Variants in UBL3 observed in about 807,000 individuals in gnomAD.
UBL3 encodes the protein ubiquitin like 3.
UBL3 carries 6 observed loss-of-function variants against 18.4 expected under a neutral mutation model. The ratio of observed to expected loss-of-function variants is 0.33; its 90% confidence interval spans 0.18 to 0.64. The LOEUF (loss-of-function observed/expected upper bound fraction) is 0.64, where lower values mean the gene tolerates loss of function less well. UBL3 is among the 30% of genes least tolerant of loss of function. The probability of loss-of-function intolerance (pLI) is 0.76; values close to 1 mark genes in which losing one functional copy is unlikely to be tolerated. For missense variants in UBL3, 109 were observed against 142.9 expected, an observed-to-expected ratio of 0.76 and a Z score of 1.21; for synonymous variants, 49 against 46.6, an observed-to-expected ratio of 1.05 and a Z score of -0.21.
chr13:29,767,833 A>G (rs1876729935), intron 3 of UBL3, 138 bp from the exon 4 acceptor site: 2 of 596,824 alleles, frequency 3.4e-6, no homozygotes, highest in Non-Finnish European at 5.5e-6. Flanking sequence ...GAGTACCTTC[A>G]CAAAATTAGG....
At chr13:29,792,907 T>A (rs1375599136) in intron 1 of UBL3, among the ~76,000 whole-genome samples, 1 of 152,214 alleles carries the variant, frequency 6.6e-6, no homozygotes, top group Non-Finnish European at 1.5e-5. Flanking sequence ...AAATTCTGCA[T>A]CTGTGCATAC....
intron 1 of UBL3, among the ~76,000 whole-genome samples, chr13:29,789,796 T>A (rs1035411752): frequency 3.3e-5 from 5 of 152,262 alleles, no homozygotes; most frequent in East Asian, 3.8e-4. Context: ...CATTGTTACC[T>A]TTAAAAATGT....
At chr13:29,820,849 G>T (rs1878417156) in intron 1 of UBL3, among the ~76,000 whole-genome samples, 1 of 152,084 alleles carries the variant, frequency 6.6e-6, no homozygotes, top group African/African-American at 2.4e-5. Context: ...TATATAAAAT[G>T]AACTGCCTTA....
chr13:29,829,665 G>T (rs748421704), intron 1 of UBL3, among the ~76,000 whole-genome samples: 1 of 152,026 alleles, frequency 6.6e-6, no homozygotes, highest in Non-Finnish European at 1.5e-5. Flanking sequence ...GCCCTGCTTC[G>T]GCTCACGCTC....
intron 1 of UBL3, among the ~76,000 whole-genome samples, chr13:29,778,049 G>A (rs1391119518): frequency 6.6e-6 from 1 of 152,182 alleles, no homozygotes; most frequent in Non-Finnish European, 1.5e-5. Flanking sequence ...TTACAGGTGT[G>A]AGCCACTGTG....
intron 1 of UBL3, among the ~76,000 whole-genome samples, chr13:29,845,456 G>A (rs571720754): frequency 6.6e-6 from 1 of 152,092 alleles, no homozygotes; most frequent in East Asian, 1.9e-4. Context: ...TAACTAAAGA[G>A]GAAAAAGTCC....
chr13:29,825,987 C>T (rs932530911), intron 1 of UBL3, among the ~76,000 whole-genome samples: 2 of 152,238 alleles, frequency 1.3e-5, no homozygotes, highest in East Asian at 3.9e-4. Context: ...TGTTTATATG[C>T]TGGATTATGT....
At chr13:29,821,700 T>C (rs371447598) in intron 1 of UBL3, among the ~76,000 whole-genome samples, 1 of 152,196 alleles carries the variant, frequency 6.6e-6, no homozygotes, top group East Asian at 1.9e-4. Context: ...ATAAAAATCT[T>C]TTATTTGCTT....
At chr13:29,798,010 T>C (rs77070838) in intron 1 of UBL3, among the ~76,000 whole-genome samples, 1 of 150,888 alleles carries the variant, frequency 6.6e-6, no homozygotes, top group African/African-American at 2.4e-5. Flanking sequence ...TTTTTTTTTT[T>C]GATGGCATAT....
At chr13:29,777,852 G>A (rs922147488) in intron 1 of UBL3, among the ~76,000 whole-genome samples, 8 of 151,868 alleles carry the variant, frequency 5.3e-5, no homozygotes, top group African/African-American at 1.4e-4. Context: ...CTGCAACCTC[G>A]GCCTCCCAAG....
Position 29,777,201 on chromosome 13 carries a change from A to G in UBL3, c.90T>C (p.Asp30=), listed in dbSNP as rs1323492431. 1 of 1,609,838 alleles carries G rather than the reference A, an allele frequency of 6.2e-7. No individual in the cohort carries two copies. The highest frequency in any genetic ancestry group is 1.3e-5 in the African/African-American group (1 of 74,850). The change falls in exon 2 of 5, where the codon GAT becomes GAC. Residue 30 remains aspartate, a synonymous_variant. Transcript: ENST00000380680. Reference sequence around the variant, plus strand: ...CATGCTTTGCAATGTCAGAAGCAGAATCGTTAGGAGAAAACAGGAACTCTT... The same window carrying G: ...CATGCTTTGCAATGTCAGAAGCAGAGTCGTTAGGAGAAAACAGGAACTCTT... ...KTKEFLFSPN[D]SASDIAKHVY... is the part of the protein sequence containing the mutation.
At position 29,816,712 on chromosome 13, in the gene UBL3, G is replaced by A. The variant is rs148253703; in HGVS notation, c.27+32800C>T. Among the ~76,000 whole-genome samples, 438 of 132,574 alleles carry A rather than the reference G, an allele frequency of 3.3e-3. 3 individuals carry two copies. The highest frequency in any genetic ancestry group is 4.0e-3 in the Non-Finnish European group (258 of 64,832). The allele number at this position is 132,574 out of a possible 152,430, so 87.0% of individuals were successfully genotyped here. A position where few individuals can be genotyped will look rare whatever the true frequency, so the allele number is the denominator to read the frequency against. ...CATGGTTGCAGTAAACTGTGTTTGT[G>A]CCACTGTACTCCAGGCTGGGTGACT... On this transcript the variant is annotated intron_variant, in intron 1 of 4. Transcript: ENST00000380680.
chr13:29,775,553 A>G (rs150914937), intron 2 of UBL3, among the ~76,000 whole-genome samples: 1 of 152,252 alleles, frequency 6.6e-6, no homozygotes, highest in Non-Finnish European at 1.5e-5. Context: ...GATACATGAC[A>G]TAAGGATCAA....
intron 1 of UBL3, among the ~76,000 whole-genome samples, chr13:29,781,002 G>A (rs1249724504): frequency 6.6e-6 from 1 of 151,944 alleles, no homozygotes; most frequent in Admixed American, 6.6e-5. Context: ...GGTGAAACCC[G>A]GTCTCTAATA....
At chr13:29,835,089 AATATATATATATAT>A in intron 1 of UBL3, among the ~76,000 whole-genome samples, 1 of 74,264 alleles carries the variant, frequency 1.3e-5, no homozygotes, top group Non-Finnish European at 2.4e-5. Context: ...TATAAATATA[AATATATATATATAT>A]ATAAATATAT....
Position 29,767,004 on chromosome 13 carries a change from T to C in UBL3, c.*251A>G. 1 of 328,610 alleles carries C rather than the reference T, an allele frequency of 3.0e-6. No homozygotes were observed. The highest frequency in any genetic ancestry group is 5.5e-6 in the Non-Finnish European group (1 of 182,620). 20.4% of individuals were successfully genotyped at this position (328,610 alleles called of 1,614,324 possible). On this transcript the variant is annotated 3_prime_UTR_variant, in exon 5 of 5. Transcript: ENST00000380680. ...ACTTGTTAACTTTTCCCCTGGAGAT[T>C]GACTGCATTCAAAAACCAATATGTG...
At chr13:29,843,913 G>T (rs1481044150) in intron 1 of UBL3, among the ~76,000 whole-genome samples, 1 of 152,112 alleles carries the variant, frequency 6.6e-6, no homozygotes, top group East Asian at 1.9e-4. Flanking sequence ...GTAGCCTCTT[G>T]TCATCACGGA....
intron 1 of UBL3, among the ~76,000 whole-genome samples, chr13:29,836,361 A>G (rs1201655718): frequency 6.6e-6 from 1 of 151,592 alleles, no homozygotes; most frequent in African/African-American, 2.4e-5. Flanking sequence ...TAAATAAACA[A>G]ATAAATAAAT....
intron 1 of UBL3, among the ~76,000 whole-genome samples, chr13:29,846,353 T>C (rs1249561353): frequency 1.3e-5 from 2 of 152,156 alleles, no homozygotes; most frequent in African/African-American, 2.4e-5. Flanking sequence ...ATAGGACATA[T>C]ATATTGCAGA....
Sources: allele counts gnomAD v4.1 joint callset (sites outside exome capture counted in the v4.1 genomes callset), GRCh38; gene constraint gnomAD v4.1.1; transcripts MANE v1.5; gene names NCBI Gene and HGNC (gene_info 2026-07-23, HGNC 2026-07-21).